JAK3: variants seen among roughly 807,000 people sequenced by gnomAD.
The protein encoded by JAK3 is Janus kinase 3.
Under a neutral mutation model 120.8 loss-of-function variants are expected in JAK3, and 88 were observed. The observed-to-expected ratio is 0.73, with a 90% CI of 0.61 to 0.87. JAK3 has a LOEUF of 0.87. JAK3 is among the 40% of genes least tolerant of loss of function. JAK3 has a pLI of 0.00. For missense variants in JAK3, 1,254 were observed against 1,501.4 expected, an observed-to-expected ratio of 0.84 and a Z score of 2.72; for synonymous variants, 592 against 628.6, an observed-to-expected ratio of 0.94 and a Z score of 0.87.
intron 8 of JAK3, 124 bp from the exon 9 acceptor site, chr19:17,840,465 T>C: frequency 1.4e-6 from 1 of 711,478 alleles, no homozygotes; most frequent in Admixed American, 2.2e-5. Flanking sequence ...CTCCCCCCAT[T>C]TATAAAATCA....
At position 17,842,206 on chromosome 19, in the gene JAK3, T is replaced by A. The variant is rs1446167243; in HGVS notation, c.861+110A>T. The A allele has an allele frequency of 4.2e-6, 5 of 1,197,330 alleles. No individual in the cohort carries two copies. The highest frequency in any genetic ancestry group is 5.6e-6 in the Non-Finnish European group (5 of 887,322). 74.2% of individuals were successfully genotyped at this position (1,197,330 alleles called of 1,614,324 possible). A position where few individuals can be genotyped will look rare whatever the true frequency, so the allele number is the denominator to read the frequency against. On this transcript the variant is annotated intron_variant, in intron 6 of 23. Coordinates refer to ENST00000458235, the MANE Select transcript of JAK3 (RefSeq NM_000215.4). The surrounding 1 kb of genome is among the most constrained non-coding windows in gnomAD (Gnocchi z 6.4). Reference sequence around the variant, plus strand: ...CCGCCCCTCATTAAGCCTCGCCCACTTCCCCAAGTCTTTCGTTTTGGCTCC... The same window carrying A: ...CCGCCCCTCATTAAGCCTCGCCCACATCCCCAAGTCTTTCGTTTTGGCTCC...
chr19:17,843,548 G>T lies in JAK3; in HGVS notation c.309-57C>A. 1.5e-6 allele frequency: 2 copies of T among 1,306,390 alleles called. No homozygotes were observed. Among genetic ancestry groups the T allele is most frequent in the South Asian group, 2.5e-5 (2 of 81,168 alleles). The allele number at this position is 1,306,390 out of a possible 1,614,324, so 80.9% of individuals were successfully genotyped here. A position where few individuals can be genotyped will look rare whatever the true frequency, so the allele number is the denominator to read the frequency against. On this transcript the variant is annotated intron_variant, in intron 3 of 23. Coordinates refer to ENST00000458235, the MANE Select transcript of JAK3 (RefSeq NM_000215.4). The surrounding 1 kb of genome is among the most constrained non-coding windows in gnomAD (Gnocchi z 5.4). Reference sequence around the variant, plus strand: ...AGTGCAACCCAGCCTCAGTAGGAGTGACATTATGGTGGGGGCGAGGGACAG... The same window carrying T: ...AGTGCAACCCAGCCTCAGTAGGAGTTACATTATGGTGGGGGCGAGGGACAG...
chr19:17,834,769 C>A (rs2147682057), intron 16 of JAK3, 48 bp from the exon 17 acceptor site: 4 of 1,613,976 alleles, frequency 2.5e-6, no homozygotes, highest in Non-Finnish European at 3.4e-6. Context: ...ATAGACCCAC[C>A]CCAATCTCCC....
At chr19:17,844,506 G>A in intron 1 of JAK3, 76 bp from the exon 2 acceptor site, 2 of 1,340,438 alleles carry the variant, frequency 1.5e-6, no homozygotes, top group East Asian at 5.0e-5. Flanking sequence ...GGCATGGAAA[G>A]GAGTGCTGGA....
chr19:17,843,516 G>C lies in JAK3; in HGVS notation c.309-25C>G, dbSNP rs2094245045. On this transcript the variant is annotated intron_variant, in intron 3 of 23. Transcript: ENST00000458235. This position sits in a 1 kb window ranked among gnomAD's most constrained non-coding sequence, Gnocchi z 5.4. ...GCTGTGAGGAGAGGAGAGAACCCTG[G>C]GATGAAAGTGCAACCCAGCCTCAGT... 6.6e-7 allele frequency: 1 copy of C among 1,512,128 alleles called. No individual in the cohort carries two copies. The highest frequency in any genetic ancestry group is 1.4e-5 in the African/African-American group (1 of 72,712). 93.7% of individuals were successfully genotyped at this position (1,512,128 alleles called of 1,614,324 possible).
In JAK3 at chr19:17,832,677, T is replaced by C; in HGVS notation, c.2522A>G (p.Tyr841Cys). 1 of 1,614,230 alleles carries C rather than the reference T, an allele frequency of 6.2e-7. No homozygotes were observed. Among genetic ancestry groups the C allele is most frequent in the Non-Finnish European group, 8.5e-7 (1 of 1,180,044 alleles). Residue 841 changes from tyrosine to cysteine, a missense_variant, in exon 19 of 24, where the codon TAT becomes TGT. By Grantham distance (194) the Tyr-to-Cys change is radical. This residue lies in a region of JAK3 where 630 missense variants were observed against 819.8 expected (regional missense o/e 0.77). Transcript: ENST00000458235. The surrounding 1 kb of genome is among the most constrained non-coding windows in gnomAD (Gnocchi z 4.7). ...GNFGSVELCR[Y>C]DPLGDNTGAL... is the part of the protein sequence containing the mutation. ...ACCTGTATTGTCGCCTAGCGGGTCA[T>C]AGCGGCACAGCTCCACGCTGCCAAA...
rs2094245829 is a variant in JAK3, at chr19:17,843,868, G to C, written c.217C>G (p.Leu73Val). Residue 73 changes from leucine (L) to valine (V), a missense_variant, in exon 3 of 24, where the codon CTG becomes GTG. This residue lies in a region of JAK3 where 138 missense variants were observed against 178.7 expected (regional missense o/e 0.77). Transcript: ENST00000458235. The surrounding 1 kb of genome is among the most constrained non-coding windows in gnomAD (Gnocchi z 5.4). ...ILPVYHSLFA[L>V]ATEDLSCWFP... Reference sequence around the variant, plus strand: ...CAGCAGGACAGGTCCTCCGTGGCCAGAGCAAAGAGGGAGTGGTACACAGGC... The same window carrying C: ...CAGCAGGACAGGTCCTCCGTGGCCACAGCAAAGAGGGAGTGGTACACAGGC... The C allele has an allele frequency of 1.9e-6, 3 of 1,613,570 alleles. No individual in the cohort carries two copies. Among genetic ancestry groups the C allele is most frequent in the Non-Finnish European group, 2.5e-6 (3 of 1,179,992 alleles).
Position 17,842,471 on chromosome 19 carries a change from C to T in JAK3, c.706G>A (p.Ala236Thr), listed in dbSNP as rs2147697614. The T allele has an allele frequency of 6.3e-7, 1 of 1,599,148 alleles. No homozygotes were observed. Among genetic ancestry groups the T allele is most frequent in the South Asian group, 1.1e-5 (1 of 89,120 alleles). The change falls in exon 6 of 24, where the codon GCC becomes ACC. Residue 236 changes from alanine (A) to threonine (T), a missense_variant. Physicochemically the swap from Ala to Thr is moderately conservative, Grantham distance 58. Around this residue, in one of 3 missense-constraint regions of JAK3, gnomAD observed 486 missense variants for 503.0 expected, o/e 0.97. Coordinates refer to ENST00000458235, the MANE Select transcript of JAK3 (RefSeq NM_000215.4). This position sits in a 1 kb window ranked among gnomAD's most constrained non-coding sequence, Gnocchi z 6.4. The stretch of plus-strand genomic sequence containing the variant: ...CGCTCCAGGTCCATGATGTACTTGG[C>T]CATGAGCGAGTGCCGGTCTGCCTGG... ...ACQADRHSLM[A>T]KYIMDLERLD...
rs200691724 is a variant in JAK3, at chr19:17,832,817, G to A, written c.2463C>T (p.His821=). ...TGCCCAGCTGTGAGATGTACTTGAG[G>A]TGTCTCTCCTCGAAGATCGTGGGGT... is the stretch of plus-strand genomic sequence containing the variant. ...CQDPTIFEER[H]LKYISQLGKG... Residue 821 remains histidine (H), a synonymous_variant, in exon 18 of 24, where the codon CAC becomes CAT. Transcript: ENST00000458235. The surrounding 1 kb of genome is among the most constrained non-coding windows in gnomAD (Gnocchi z 4.7). 119 of 1,614,116 alleles carry A rather than the reference G, an allele frequency of 7.4e-5. No homozygotes were observed. The highest frequency in any genetic ancestry group is 9.6e-5 in the Non-Finnish European group (113 of 1,180,044).
chr19:17,825,504 C>T lies in JAK3; in HGVS notation c.*1239G>A, dbSNP rs935679583. On this transcript the variant is annotated 3_prime_UTR_variant, in exon 24 of 24. Coordinates refer to ENST00000458235, the MANE Select transcript of JAK3 (RefSeq NM_000215.4). ...CCTTTCAGGATCCCAAAGAGATACA[C>T]GGGCTCCCCTAAAAGGCAGAGTCCC... 8.2e-5 allele frequency: 17 copies of T among 208,144 alleles called. No individual in the cohort carries two copies. The highest frequency in any genetic ancestry group is 1.2e-4 in the Non-Finnish European group (12 of 102,112). 12.9% of individuals were successfully genotyped at this position (208,144 alleles called of 1,614,324 possible).
intron 23 of JAK3, 181 bp downstream of exon 23, chr19:17,829,927 G>A (rs1439625474): frequency 4.5e-6 from 3 of 661,550 alleles, no homozygotes; most frequent in Non-Finnish European, 8.3e-6. Flanking sequence ...GTAAACTGAG[G>A]CTCTGAAAGT....
At chr19:17,827,457 C>T (rs182540487) in intron 23 of JAK3, among the ~76,000 whole-genome samples, 15 of 151,926 alleles carry the variant, frequency 9.9e-5, no homozygotes, top group Admixed American at 3.3e-4. Context: ...AAGCGATTCT[C>T]CTGCCTCAGC....
rs900520538 is a variant in JAK3 at position 17,832,410 on chromosome 19, T to A, written c.2680+109A>T. The A allele has an allele frequency of 1.4e-5, 15 of 1,087,250 alleles. No individual in the cohort carries two copies. The highest frequency in any genetic ancestry group is 2.1e-5 in the Non-Finnish European group (15 of 706,840). The allele number at this position is 1,087,250 out of a possible 1,614,324, so 67.4% of individuals were successfully genotyped here. Reference sequence around the variant, plus strand: ...AACCTGTAACCCATGTGAATCTGGATCAATAATCACGTTCCCAGCCTACCT... The same window carrying A: ...AACCTGTAACCCATGTGAATCTGGAACAATAATCACGTTCCCAGCCTACCT... On this transcript the variant is annotated intron_variant, in intron 19 of 23. Coordinates refer to ENST00000458235, the MANE Select transcript of JAK3 (RefSeq NM_000215.4). The surrounding 1 kb of genome is among the most constrained non-coding windows in gnomAD (Gnocchi z 4.7).
In JAK3 at chr19:17,841,329, T is replaced by G; in HGVS notation, c.1142+60A>C. 1 of 1,506,288 alleles carries G rather than the reference T, an allele frequency of 6.6e-7. No individual in the cohort carries two copies. The highest frequency in any genetic ancestry group is 8.9e-7 in the Non-Finnish European group (1 of 1,121,048). The allele number at this position is 1,506,288 out of a possible 1,614,324, so 93.3% of individuals were successfully genotyped here. A position where few individuals can be genotyped will look rare whatever the true frequency, so the allele number is the denominator to read the frequency against. On this transcript the variant is annotated intron_variant, in intron 8 of 23. Coordinates refer to ENST00000458235, the MANE Select transcript of JAK3 (RefSeq NM_000215.4). The surrounding 1 kb of genome is among the most constrained non-coding windows in gnomAD (Gnocchi z 4.1). Reference sequence around the variant, plus strand: ...CCTGGAAGGTGAGGACACTGAGGCATAGAGAAGGGGAGGGGCCCTGAGTGG... The same window carrying G: ...CCTGGAAGGTGAGGACACTGAGGCAGAGAGAAGGGGAGGGGCCCTGAGTGG...
Position 17,826,554 on chromosome 19 carries a change from C to A in JAK3, c.*189G>T, listed in dbSNP as rs3213414. On this transcript the variant is annotated 3_prime_UTR_variant, in exon 24 of 24. Coordinates refer to ENST00000458235, the MANE Select transcript of JAK3 (RefSeq NM_000215.4). The stretch of plus-strand genomic sequence containing the variant: ...GACACATATGCCCATCTGTCTTGAA[C>A]CTTAACAAATTGCAAAGGCCACAGG... 7 of 671,908 alleles carry A rather than the reference C, an allele frequency of 1.0e-5. No homozygotes were observed. The highest frequency in any genetic ancestry group is 5.4e-5 in the East Asian group (2 of 36,698). 41.6% of individuals were successfully genotyped at this position (671,908 alleles called of 1,614,324 possible).
In JAK3 at chr19:17,839,517, C is replaced by T. The variant is rs1366784842; in HGVS notation, c.1401G>A (p.Val467=). 1.3e-6 allele frequency: 2 copies of T among 1,598,940 alleles called. No homozygotes were observed. Among genetic ancestry groups the T allele is most frequent in the Non-Finnish European group, 1.7e-6 (2 of 1,172,730 alleles). Residue 467 remains valine, a synonymous_variant, in exon 10 of 24, where the codon GTG becomes GTA. Coordinates refer to ENST00000458235, the MANE Select transcript of JAK3 (RefSeq NM_000215.4). The part of the protein sequence containing the change: ...CWDGGLHVDG[V]AVTLTSCCIP... ...TACAGCAGGAAGTGAGGGTCACTGC[C>T]ACCCCATCTACGTGCAGCCCCCCAT...
Position 17,842,179 on chromosome 19 carries a change from C to A in JAK3, c.861+137G>T, listed in dbSNP as rs1217429047. 4 of 969,182 alleles carry A rather than the reference C, an allele frequency of 4.1e-6. No individual in the cohort carries two copies. The Admixed American group carries it at 1.2e-4, about 28-fold the overall frequency. 60.0% of individuals were successfully genotyped at this position (969,182 alleles called of 1,614,324 possible). ...TCCCGCAGTCTCCTCCCTCACTAAG[C>A]CCCGCCCCTCATTAAGCCTCGCCCA... is the stretch of plus-strand genomic sequence containing the variant. On this transcript the variant is annotated intron_variant, in intron 6 of 23. Transcript: ENST00000458235. The surrounding 1 kb of genome is among the most constrained non-coding windows in gnomAD (Gnocchi z 6.4).
chr19:17,847,973 A>T lies in JAK3; in HGVS notation c.-41T>A. Reference sequence around the variant, plus strand: ...AGCGGGCAGGGACCCTGGACTTTCGAAGGGCGGGCAGAGCCGGGAGGCAGC... The same window carrying T: ...AGCGGGCAGGGACCCTGGACTTTCGTAGGGCGGGCAGAGCCGGGAGGCAGC... On this transcript the variant is annotated 5_prime_UTR_variant, in exon 1 of 24. Transcript: ENST00000458235. 1 of 1,038,484 alleles carries T rather than the reference A, an allele frequency of 9.6e-7. No homozygotes were observed. Among genetic ancestry groups the T allele is most frequent in the Non-Finnish European group, 1.2e-6 (1 of 860,956 alleles). The allele number at this position is 1,038,484 out of a possible 1,614,324, so 64.3% of individuals were successfully genotyped here. A position where few individuals can be genotyped will look rare whatever the true frequency, so the allele number is the denominator to read the frequency against.
chr19:17,826,839 G>T lies in JAK3; in HGVS notation c.3279C>A (p.Pro1093=), dbSNP rs201419684. The change falls in exon 24 of 24, where the codon CCC becomes CCA. Residue 1093 remains proline (P), a synonymous_variant. Transcript: ENST00000458235. ...QDRPSFSALG[P]QLDMLWSGSR... ...TTCCGCTCCACAGCATGTCCAGCTG[G>T]GGGCCCAGGGCGCTGAATGATGGCC... 1.9e-6 allele frequency: 3 copies of T among 1,613,992 alleles called. No individual in the cohort carries two copies. The highest frequency in any genetic ancestry group is 2.5e-6 in the Non-Finnish European group (3 of 1,180,046).
Sources: allele counts gnomAD v4.1 joint callset (sites outside exome capture counted in the v4.1 genomes callset), GRCh38; gene constraint gnomAD v4.1.1; regional missense constraint gnomAD v4.1.1; non-coding constraint Gnocchi (gnomAD v3.1); transcripts MANE v1.5; gene names NCBI Gene and HGNC (gene_info 2026-07-23, HGNC 2026-07-21).